The following FCHSD1 variants were observed in gnomAD, a reference collection of about 807,000 sequenced individuals.
FCHSD1 encodes F-BAR and double SH3 domains protein 1.
A neutral mutation model predicts 101.3 loss-of-function variants in FCHSD1; 109 were observed. The ratio of observed to expected loss-of-function variants is 1.08; its 90% CI spans 0.92 to 1.26. The LOEUF (loss-of-function observed/expected upper bound fraction) is 1.26, where lower values mean the gene tolerates loss of function less well. Among genes scored for constraint, FCHSD1 ranks in the 50% most tolerant of loss-of-function variants. The pLI is 0.00. For missense variants in FCHSD1, 820 were observed against 895.8 expected (o/e 0.92, Z 1.08); for synonymous variants, 291 against 356.8 (o/e 0.82, Z 2.08).
At position 141,644,348 on chromosome 5, in the gene FCHSD1, C is replaced by T. The variant is rs866116457; in HGVS notation, c.1733G>A (p.Arg578Gln). 2.2e-5 allele frequency: 35 copies of T among 1,613,828 alleles called. No individual in the cohort carries two copies. Among genetic ancestry groups the T allele is most frequent in the Non-Finnish European group, 2.9e-5 (34 of 1,179,872 alleles). The change falls in exon 17 of 20, where the codon CGG becomes CAG. Residue 578 changes from arginine (R) to glutamine (Q), a missense_variant. Physicochemically the swap from Arg to Gln is conservative, Grantham distance 43 (BLOSUM62 1). Transcript: ENST00000435817. The stretch of plus-strand genomic sequence containing the variant: ...GCCGTCATCTACTCCATCTTGGGCC[C>T]GGGGCAGCAGACGGATGAGTGCCCC... ...PEGALIRLLP[R>Q]AQDGVDDGFW...
intron 11 of FCHSD1, 69 bp downstream of exon 11, chr5:141,646,534 G>A: frequency 6.5e-7 from 1 of 1,537,624 alleles, no homozygotes; most frequent in Middle Eastern, 2.2e-4. Flanking sequence ...ATGGCTCCAA[G>A]ATCCCCTCTC....
chr5:141,647,263 C>G (rs1296057337), intron 9 of FCHSD1, 33 bp from the exon 10 acceptor site: 25 of 1,583,006 alleles, frequency 1.6e-5, no homozygotes, highest in Non-Finnish European at 2.1e-5. Context: ...GTCACTCATT[C>G]ACTGACTCAC....
chr5:141,642,774 T>C (rs1423811506), intron 18 of FCHSD1: 12 of 553,198 alleles, frequency 2.2e-5, no homozygotes, highest in Non-Finnish European at 3.5e-5. Context: ...CCTTACCTCA[T>C]AAAGAACATA....
At position 141,646,169 on chromosome 5, in the gene FCHSD1, C is replaced by T. The variant is rs759619161; in HGVS notation, c.1067G>A (p.Arg356Lys). 1.2e-6 allele frequency: 2 copies of T among 1,609,280 alleles called. No individual in the cohort carries two copies. Among genetic ancestry groups the T allele is most frequent in the Non-Finnish European group, 1.7e-6 (2 of 1,178,022 alleles). Reference sequence around the variant, plus strand: ...CTCCCGCTCTGAAGCCTGCTGCCGCCTCTGCTCCAGTCGTTGCAGTACCTG... The same window carrying T: ...CTCCCGCTCTGAAGCCTGCTGCCGCTTCTGCTCCAGTCGTTGCAGTACCTG... ...GHRVLQRLEQRRQQASEREAP... is the reference protein window; with the variant it reads ...GHRVLQRLEQKRQQASEREAP... Residue 356 changes from arginine to lysine, a missense_variant, in exon 12 of 20, where the codon AGG (arginine) becomes AAG (lysine). Transcript: ENST00000435817.
chr5:141,641,667 C>G, intron 19 of FCHSD1, 35 bp downstream of exon 19: 1 of 1,613,606 alleles, frequency 6.2e-7, no homozygotes, highest in East Asian at 2.2e-5. Flanking sequence ...AATAACCCCT[C>G]TACATACAAT....
intron 15 of FCHSD1, 27 bp from the exon 16 acceptor site, chr5:141,644,717 A>G (rs1414824759): frequency 1.2e-6 from 2 of 1,613,072 alleles, no homozygotes; most frequent in Non-Finnish European, 1.7e-6. Flanking sequence ...GTGAACAGAT[A>G]TTAGACTTAC....
chr5:141,646,795 T>A, intron 10 of FCHSD1, 73 bp from the exon 11 acceptor site: 2 of 1,552,784 alleles, frequency 1.3e-6, no homozygotes, highest in Non-Finnish European at 1.7e-6. Context: ...CTTTTTCCAC[T>A]CTATCTTGAC....
chr5:141,646,379 T>TA, intron 11 of FCHSD1, 188 bp from the exon 12 acceptor site: 1 of 923,938 alleles, frequency 1.1e-6, no homozygotes, highest in Non-Finnish European at 1.6e-6. Flanking sequence ...GTCACTCCCT[T>TA]ACCTGGGGCT....
rs183917220 is a variant in FCHSD1, at chr5:141,639,353, G to A, written c.*2145C>T. ...ATAAAGACAAGAAAAAATGGGGCTT[G>A]GGGAAATTGGGGCTTCTGGGGTTTT... On this transcript the variant is annotated 3_prime_UTR_variant, in exon 20 of 20. Coordinates refer to ENST00000435817, the MANE Select transcript of FCHSD1 (RefSeq NM_033449.3). The surrounding 1 kb of genome is among the most constrained non-coding windows in gnomAD (Gnocchi z 4.4). The A allele has an allele frequency of 4.7e-5, 39 of 826,964 alleles. No homozygotes were observed. In the African/African-American group the frequency reaches 5.9e-4, roughly 12 times the overall value. 51.2% of individuals were successfully genotyped at this position (826,964 alleles called of 1,614,324 possible).
At chr5:141,641,893 C>T (rs2099906942) in intron 18 of FCHSD1, 136 bp from the exon 19 acceptor site, 1 of 878,204 alleles carries the variant, frequency 1.1e-6, no homozygotes, top group African/African-American at 1.7e-5. Flanking sequence ...ATCCATCACT[C>T]TATCCACTGT....
At chr5:141,641,779 C>A in intron 18 of FCHSD1, 22 bp from the exon 19 acceptor site, 1 of 1,613,816 alleles carries the variant, frequency 6.2e-7, no homozygotes, top group South Asian at 1.1e-5. Context: ...AACCACAAGT[C>A]AGTCTTCAGA....
chr5:141,646,284 TTA>T lies in FCHSD1; in HGVS notation c.1045-95_1045-94del, dbSNP rs1274508943. 5.1e-6 allele frequency: 6 copies of T among 1,167,290 alleles called. No individual in the cohort carries two copies. The African/African-American group carries it at 9.1e-5, about 18-fold the overall frequency. The allele number at this position is 1,167,290 out of a possible 1,614,324, so 72.3% of individuals were successfully genotyped here. A position where few individuals can be genotyped will look rare whatever the true frequency, so the allele number is the denominator to read the frequency against. ...TACTTTGCTAGTTGCATCACATACA[TTA>T]TGTCATTTAATCTTCCCTATGAGGT... On this transcript the variant is annotated intron_variant, in intron 11 of 19. Coordinates refer to ENST00000435817, the MANE Select transcript of FCHSD1 (RefSeq NM_033449.3).
chr5:141,644,362 G>C lies in FCHSD1; in HGVS notation c.1719C>G (p.Ile573Met), dbSNP rs756602837. The C allele has an allele frequency of 6.2e-6, 10 of 1,613,996 alleles. No homozygotes were observed. The East Asian group carries it at 2.2e-4, about 36-fold the overall frequency. ...EELSFPEGAL[I>M]RLLPRAQDGV... Reference sequence around the variant, plus strand: ...CATCTTGGGCCCGGGGCAGCAGACGGATGAGTGCCCCCTCAGGGAAGCTCA... The same window carrying C: ...CATCTTGGGCCCGGGGCAGCAGACGCATGAGTGCCCCCTCAGGGAAGCTCA... The change falls in exon 17 of 20, where the codon ATC (isoleucine) becomes ATG (methionine). Residue 573 changes from isoleucine (I) to methionine (M), a missense_variant. By Grantham distance (10) the Ile-to-Met change is conservative (BLOSUM62 1). Coordinates refer to ENST00000435817, the MANE Select transcript of FCHSD1 (RefSeq NM_033449.3).
Position 141,647,479 on chromosome 5 carries a change from C to A in FCHSD1, c.747G>T (p.Leu249=), listed in dbSNP as rs1562390545. 5 of 1,612,594 alleles carry A rather than the reference C, an allele frequency of 3.1e-6. No individual in the cohort carries two copies. The South Asian group carries it at 4.4e-5, about 14-fold the overall frequency. Residue 249 remains leucine (L), a synonymous_variant, in exon 9 of 20, where the codon CTG becomes CTT. Coordinates refer to ENST00000435817, the MANE Select transcript of FCHSD1 (RefSeq NM_033449.3). ...SELSEHLRDP[L]TSLSHTELEA... ...CCAGCTCAGTGTGGCTCAGGGAGGT[C>A]AGGGGGTCCCTCAAGTGCTCTGACA...
chr5:141,642,100 G>A (rs2099906986), intron 18 of FCHSD1: 1 of 512,180 alleles, frequency 2.0e-6, no homozygotes, highest in Non-Finnish European at 3.5e-6. Flanking sequence ...GTAACTCCAG[G>A]GAGGGAGACT....
chr5:141,651,155 G>A (rs1291994252), intron 1 of FCHSD1, 38 bp from the exon 2 acceptor site: 2 of 1,554,104 alleles, frequency 1.3e-6, no homozygotes, highest in African/African-American at 1.4e-5. Context: ...CCCAGCGCAA[G>A]GACCTAAAAA....
chr5:141,640,148 C>T lies in FCHSD1; in HGVS notation c.*1350G>A. On this transcript the variant is annotated 3_prime_UTR_variant, in exon 20 of 20. Transcript: ENST00000435817. ...CAGTACAGAATGGAGGACTCAGGGA[C>T]AGCAGCCTAACCCCTCGTGCACTTG... 1 of 1,614,118 alleles carries T rather than the reference C, an allele frequency of 6.2e-7. No individual in the cohort carries two copies. The highest frequency in any genetic ancestry group is 8.5e-7 in the Non-Finnish European group (1 of 1,179,986).
chr5:141,646,283 A>G (rs1231114094), intron 11 of FCHSD1, 92 bp from the exon 12 acceptor site: 3 of 1,178,288 alleles, frequency 2.5e-6, no homozygotes, highest in East Asian at 5.1e-5. Flanking sequence ...CATCACATAC[A>G]TTATGTCATT....
intron 17 of FCHSD1, 56 bp downstream of exon 17, chr5:141,644,162 G>T (rs2099907356): frequency 1.3e-6 from 2 of 1,483,782 alleles, no homozygotes; most frequent in Non-Finnish European, 1.8e-6. Flanking sequence ...GCTTTATTGG[G>T]GTGGGAGGGT....
Sources: gnomAD v4.1 joint callset for allele counts on GRCh38, gnomAD v4.1.1 for gene constraint, Gnocchi (gnomAD v3.1) non-coding constraint, MANE v1.5 for transcripts, NCBI Gene and HGNC (gene_info 2026-07-23, HGNC 2026-07-21) for gene names.